The following CUL3 variants were observed in gnomAD, a reference collection of about 807,000 sequenced individuals.
CUL3 encodes cullin 3.
In CUL3, 19 loss-of-function variants were observed where a neutral mutation model predicts 89.1. The observed-to-expected ratio is 0.21, with a 90% confidence interval of 0.15 to 0.31. The LOEUF is 0.31. CUL3 is among the 10% of genes least tolerant of loss of function. The pLI, the probability that CUL3 is intolerant of heterozygous loss-of-function variation, is 1.00. For missense variants in CUL3, 469 were observed against 942.3 expected, an observed-to-expected ratio of 0.50 and a Z score of 6.58; for synonymous variants, 351 against 308.4, an observed-to-expected ratio of 1.14 and a Z score of -1.45.
At chr2:224,494,497 A>G (rs1574625892) in intron 13 of CUL3, among the ~76,000 whole-genome samples, 1 of 152,220 alleles carries the variant, frequency 6.6e-6, no homozygotes. Context: ...ATGGGTGCAA[A>G]GAGAAAAATG....
intron 1 of CUL3, among the ~76,000 whole-genome samples, chr2:224,576,686 AAGG>A (rs1190946201): frequency 6.1e-4 from 43 of 70,046 alleles, no homozygotes; most frequent in African/African-American, 3.1e-3. Context: ...AGTGAAAAAA[AAGG>A]GGGGGGGGGG....
chr2:224,507,117 G>A, intron 6 of CUL3, 114 bp from the exon 7 acceptor site: 1 of 788,892 alleles, frequency 1.3e-6, no homozygotes, highest in Non-Finnish European at 1.9e-6. Flanking sequence ...CCCATTTGCT[G>A]ACCACATGAC....
chr2:224,484,060 A>G (rs938558943), intron 13 of CUL3, among the ~76,000 whole-genome samples: 1 of 152,006 alleles, frequency 6.6e-6, no homozygotes, highest in Non-Finnish European at 1.5e-5. Context: ...AGTCCCAGCT[A>G]CTCATGAGGC....
intron 3 of CUL3, among the ~76,000 whole-genome samples, chr2:224,520,827 T>C (rs1305422482): frequency 6.6e-6 from 1 of 152,202 alleles, no homozygotes. Context: ...ATGTGCCTCT[T>C]CCTCTTCACC....
intron 2 of CUL3, among the ~76,000 whole-genome samples, chr2:224,537,585 C>G (rs939844156): frequency 1.3e-5 from 2 of 152,212 alleles, no homozygotes; most frequent in Admixed American, 1.3e-4. Flanking sequence ...ACCCAGCAAG[C>G]TGAAAACGTG....
At chr2:224,523,583 T>C (rs1693349193) in intron 3 of CUL3, among the ~76,000 whole-genome samples, 1 of 152,102 alleles carries the variant, frequency 6.6e-6, no homozygotes, top group South Asian at 2.1e-4. Context: ...CCAAAAGAAA[T>C]GAAAGCACAT....
intron 1 of CUL3, among the ~76,000 whole-genome samples, chr2:224,574,422 G>T (rs1008509957): frequency 2.6e-5 from 4 of 152,184 alleles, no homozygotes; most frequent in African/African-American, 9.7e-5. Flanking sequence ...CCGTTATCAA[G>T]TTGAGCAAGT....
At chr2:224,492,074 G>C (rs1429585487) in intron 13 of CUL3, among the ~76,000 whole-genome samples, 2 of 152,068 alleles carry the variant, frequency 1.3e-5, no homozygotes, top group Non-Finnish European at 2.9e-5. Flanking sequence ...ATAACCTTAA[G>C]CTTTCTTTCT....
chr2:224,541,138 G>T (rs560448824), intron 2 of CUL3, among the ~76,000 whole-genome samples: 127 of 151,680 alleles, frequency 8.4e-4, no homozygotes, highest in African/African-American at 2.8e-3. Context: ...AAAAACTTTT[G>T]TTCTGTAGAC....
At chr2:224,518,262 A>G (rs1344305267) in intron 3 of CUL3, among the ~76,000 whole-genome samples, 1 of 152,000 alleles carries the variant, frequency 6.6e-6, no homozygotes, top group Non-Finnish European at 1.5e-5. Flanking sequence ...TTCATTAAGC[A>G]TAAAGTTTGT....
At chr2:224,480,537 A>G (rs4674911) in intron 14 of CUL3, among the ~76,000 whole-genome samples, 113,576 of 152,150 alleles carry the variant, frequency 0.75, 43,010 homozygotes, top group African/African-American at 0.89. Context: ...AGATACACAC[A>G]TAAGTGTGCA....
At chr2:224,531,774 C>T (rs1448742676) in intron 3 of CUL3, among the ~76,000 whole-genome samples, 1 of 151,974 alleles carries the variant, frequency 6.6e-6, no homozygotes, top group Non-Finnish European at 1.5e-5. Context: ...CATTTCCAGA[C>T]AGAAGATATG....
At chr2:224,523,175 CCT>C (rs1047289992) in intron 3 of CUL3, among the ~76,000 whole-genome samples, 4 of 152,236 alleles carry the variant, frequency 2.6e-5, no homozygotes, top group African/African-American at 9.6e-5. Flanking sequence ...AACCAAATAG[CCT>C]CTGTTTCAGT....
In CUL3 at chr2:224,557,685, C is replaced by A; in HGVS notation, c.238G>T (p.Val80Phe). The A allele has an allele frequency of 6.2e-7, 1 of 1,611,648 alleles. No individual in the cohort carries two copies. The highest frequency in any genetic ancestry group is 8.5e-7 in the Non-Finnish European group (1 of 1,178,684). Residue 80 changes from valine to phenylalanine, a missense_variant, in exon 2 of 16, where the codon GTT becomes TTT. By Grantham distance (50) the Val-to-Phe change is conservative. Around this residue, in one of 4 missense-constraint regions of CUL3, gnomAD observed 370 missense variants for 733.2 expected, o/e 0.50. Coordinates refer to ENST00000264414, the MANE Select transcript of CUL3 (RefSeq NM_003590.5). Reference sequence around the variant, plus strand: ...TTATTTATGAGATGTTCGGTAACAACTTCTCTTAGTCCAGTGTAGAGCTTT... The same window carrying A: ...TTATTTATGAGATGTTCGGTAACAAATTCTCTTAGTCCAGTGTAGAGCTTT... ...GEKLYTGLREVVTEHLINKVR... is the reference protein window; with the variant it reads ...GEKLYTGLREFVTEHLINKVR...
chr2:224,525,030 C>G (rs966207326), intron 3 of CUL3, among the ~76,000 whole-genome samples: 1 of 145,880 alleles, frequency 6.9e-6, no homozygotes, highest in African/African-American at 2.5e-5. Context: ...AAAAAAAAAG[C>G]TGAGGAAAGT....
intron 1 of CUL3, among the ~76,000 whole-genome samples, chr2:224,558,809 G>A (rs895185194): frequency 2.6e-5 from 4 of 152,000 alleles, no homozygotes; most frequent in South Asian, 2.1e-4. Context: ...ATGGGAGGCC[G>A]AGGCGGGCGG....
At chr2:224,582,994 T>C (rs1237647311) in intron 1 of CUL3, among the ~76,000 whole-genome samples, 1 of 152,186 alleles carries the variant, frequency 6.6e-6, no homozygotes, top group Non-Finnish European at 1.5e-5. Context: ...ATGTCAAATT[T>C]GAGTTACTCC....
intron 1 of CUL3, among the ~76,000 whole-genome samples, chr2:224,576,243 T>G (rs1695294036): frequency 6.6e-6 from 1 of 152,048 alleles, no homozygotes; most frequent in African/African-American, 2.4e-5. Flanking sequence ...AATTTAACAG[T>G]GTGACAGGAA....
At chr2:224,519,180 AT>A (rs1441162856) in intron 3 of CUL3, among the ~76,000 whole-genome samples, 4 of 152,328 alleles carry the variant, frequency 2.6e-5, no homozygotes, top group African/African-American at 9.6e-5. Context: ...CCAAAACTTT[AT>A]TTCATGTACA....
Sources: allele counts gnomAD v4.1 joint callset (sites outside exome capture counted in the v4.1 genomes callset), GRCh38; gene constraint gnomAD v4.1.1; regional missense constraint gnomAD v4.1.1; transcripts MANE v1.5; gene names NCBI Gene and HGNC (gene_info 2026-07-23, HGNC 2026-07-21).